Variants in IDE observed in about 807,000 individuals in gnomAD.
IDE encodes insulin-degrading enzyme.
A neutral mutation model predicts 133.2 loss-of-function variants in IDE; 58 were observed. That is an observed-to-expected ratio of 0.44 (90% CI 0.35 to 0.54). IDE has a LOEUF of 0.54. Ranked by LOEUF, IDE falls within the 20% of genes least tolerant of loss-of-function variation. The pLI, the probability that IDE is intolerant of heterozygous loss-of-function variation, is 0.00. For missense variants in IDE, 981 were observed against 1,234.0 expected, an observed-to-expected ratio of 0.79 and a Z score of 3.07; for synonymous variants, 396 against 421.3, an observed-to-expected ratio of 0.94 and a Z score of 0.73.
intron 11 of IDE, among the ~76,000 whole-genome samples, chr10:92,498,362 C>A (rs1344531980): frequency 6.7e-6 from 1 of 149,464 alleles, no homozygotes; most frequent in South Asian, 2.1e-4. Flanking sequence ...GGGGCTCACA[C>A]CTATAATCCC....
chr10:92,573,805 G>T (rs1046454450), intron 1 of IDE, 117 bp downstream of exon 1: 12 of 713,684 alleles, frequency 1.7e-5, no homozygotes, highest in African/African-American at 1.3e-4. Context: ...CCGGCGGGAC[G>T]GGCGGCGTGA....
Position 92,508,484 on chromosome 10 carries a change from T to C in IDE, c.1060+244A>G, listed in dbSNP as rs146469355. Among the ~76,000 whole-genome samples, 638 of 145,588 alleles carry C rather than the reference T, an allele frequency of 4.4e-3. 7 individuals are homozygous for C. The highest frequency in any genetic ancestry group is 0.015 in the African/African-American group (592 of 39,428). On this transcript the variant is annotated intron_variant, in intron 7 of 24. Transcript: ENST00000265986. ...ATCCCAGCACTTTAGGAGGCCAAGA[T>C]GGGCGGATCGCTTGAGACCAGGAGT...
rs57422406 is a variant in IDE, at chr10:92,456,844, C to CAAAAAAAAAAAA, written c.2824-425_2824-414dup. On this transcript the variant is annotated intron_variant, in intron 22 of 24. Coordinates refer to ENST00000265986, the MANE Select transcript of IDE (RefSeq NM_004969.4). ...TGGGTGACAGAGCAAGACTCTGTCT[C>CAAAAAAAAAAAA]AAAAAAAAAAAAAAAAAAAAAAAAA... 8.3e-3 allele frequency among the ~76,000 whole-genome samples: 432 copies of CAAAAAAAAAAAA among 52,234 alleles called. 1 individual carries two copies. Among genetic ancestry groups the CAAAAAAAAAAAA allele is most frequent in the Non-Finnish European group, 0.011 (318 of 28,256 alleles). The allele number at this position is 52,234 out of a possible 152,430, so 34.3% of individuals were successfully genotyped here.
intron 1 of IDE, among the ~76,000 whole-genome samples, chr10:92,542,862 A>G (rs1036450853): frequency 1.4e-4 from 21 of 152,240 alleles, no homozygotes; most frequent in Non-Finnish European, 2.5e-4. Flanking sequence ...TCAGGTTTGC[A>G]AAAACAAATC....
chr10:92,474,821 C>T lies in IDE; in HGVS notation c.2116+20G>A. 1 of 1,596,838 alleles carries T rather than the reference C, an allele frequency of 6.3e-7. No homozygotes were observed. The highest frequency in any genetic ancestry group is 8.5e-7 in the Non-Finnish European group (1 of 1,174,816). On this transcript the variant is annotated intron_variant, in intron 17 of 24. Transcript: ENST00000265986. Reference sequence around the variant, plus strand: ...GGAAAAAAATGAAGAAAGCATTAAGCTTTAAGTAGAAAGTCTCACCATCCA... The same window carrying T: ...GGAAAAAAATGAAGAAAGCATTAAGTTTTAAGTAGAAAGTCTCACCATCCA...
At chr10:92,467,225 T>C (rs117314163) in intron 19 of IDE, among the ~76,000 whole-genome samples, 1 of 152,116 alleles carries the variant, frequency 6.6e-6, no homozygotes, top group African/African-American at 2.4e-5. Flanking sequence ...TGCGCCACTA[T>C]GCCCAGCTAA....
At chr10:92,511,082 G>A (rs1301859341) in intron 5 of IDE, among the ~76,000 whole-genome samples, 2 of 91,790 alleles carry the variant, frequency 2.2e-5, no homozygotes, top group Admixed American at 1.2e-4. Flanking sequence ...AGAAAGCAGT[G>A]TTAAAAAAAA....
At chr10:92,455,727 G>A (rs1441770386) in intron 23 of IDE, 84 bp from the exon 24 acceptor site, 1 of 827,904 alleles carries the variant, frequency 1.2e-6, no homozygotes, top group Non-Finnish European at 2.0e-6. Flanking sequence ...ACCAGACTCA[G>A]TTAATTAAAA....
At chr10:92,494,614 G>A (rs1042263472) in intron 11 of IDE, among the ~76,000 whole-genome samples, 9 of 152,108 alleles carry the variant, frequency 5.9e-5, no homozygotes, top group African/African-American at 1.9e-4. Context: ...AATGAAACAT[G>A]AGAAAACACA....
At chr10:92,544,189 C>CGCCACT (rs1271223218) in intron 1 of IDE, among the ~76,000 whole-genome samples, 1 of 150,402 alleles carries the variant, frequency 6.6e-6, no homozygotes, top group African/African-American at 2.5e-5. Flanking sequence ...GCCAAGATTG[C>CGCCACT]GCCACTGCAC....
At chr10:92,461,311 G>GT in intron 21 of IDE, 59 bp from the exon 22 acceptor site, 1 of 814,548 alleles carries the variant, frequency 1.2e-6, no homozygotes, top group Non-Finnish European at 2.1e-6. Flanking sequence ...GCCCAGAACA[G>GT]TACACTAAAT....
chr10:92,531,432 A>G (rs1044983489), intron 4 of IDE, among the ~76,000 whole-genome samples: 1 of 151,982 alleles, frequency 6.6e-6, no homozygotes, highest in Admixed American at 6.6e-5. Flanking sequence ...GAGCCTTTAC[A>G]AAAAAAAGTA....
intron 10 of IDE, among the ~76,000 whole-genome samples, chr10:92,506,040 G>A (rs1780160870): frequency 6.6e-6 from 1 of 152,162 alleles, no homozygotes; most frequent in Admixed American, 6.6e-5. Context: ...CTACAATGGG[G>A]ACCAAGAGGA....
intron 4 of IDE, among the ~76,000 whole-genome samples, chr10:92,530,920 AGC>A (rs1849887546): frequency 6.6e-6 from 1 of 152,210 alleles, no homozygotes; most frequent in Non-Finnish European, 1.5e-5. Flanking sequence ...TTATAAAATA[AGC>A]ATGTTCTCAT....
intron 23 of IDE, 143 bp downstream of exon 23, chr10:92,456,216 C>T (rs1379423910): frequency 1.5e-6 from 1 of 646,974 alleles, no homozygotes; most frequent in Non-Finnish European, 2.8e-6. Context: ...TTTCTCTTTT[C>T]CCCTTATATC....
intron 11 of IDE, 109 bp downstream of exon 11, chr10:92,504,685 T>C (rs1044217637): frequency 1.1e-5 from 7 of 662,150 alleles, no homozygotes; most frequent in Non-Finnish European, 1.9e-5. Context: ...ACTTTTGTAA[T>C]GCTTGATAAA....
At chr10:92,557,840 A>T (rs1247891287) in intron 1 of IDE, among the ~76,000 whole-genome samples, 3 of 147,052 alleles carry the variant, frequency 2.0e-5, no homozygotes, top group African/African-American at 7.6e-5. Flanking sequence ...CAGTCACTGC[A>T]CTACAACCTG....
At chr10:92,488,350 G>T (rs747561782) in intron 12 of IDE, among the ~76,000 whole-genome samples, 9 of 152,102 alleles carry the variant, frequency 5.9e-5, no homozygotes, top group Non-Finnish European at 1.0e-4. Flanking sequence ...GCCCACCTCA[G>T]CCTCCTAAAG....
At chr10:92,551,980 CAA>C (rs1842805538) in intron 1 of IDE, among the ~76,000 whole-genome samples, 3 of 151,822 alleles carry the variant, frequency 2.0e-5, no homozygotes, top group African/African-American at 7.3e-5. Context: ...TACACACACA[CAA>C]AAAGGTCAAA....
Sources: gnomAD v4.1 joint callset for allele counts (sites outside exome capture counted in the v4.1 genomes callset) on GRCh38, gnomAD v4.1.1 for gene constraint, MANE v1.5 for transcripts, NCBI Gene and HGNC (gene_info 2026-07-23, HGNC 2026-07-21) for gene names.